PCP4L1: variants seen among roughly 807,000 people sequenced by gnomAD.
The protein encoded by PCP4L1 is Purkinje cell protein 4 like 1.
PCP4L1 carries 9 observed loss-of-function variants against 9.6 expected under a neutral mutation model. The observed-to-expected ratio is 0.94, with a 90% CI of 0.57 to 1.64. The LOEUF is 1.64. PCP4L1 is among the 40% of genes most tolerant of loss of function. PCP4L1 has a pLI of 0.00. For synonymous variants in PCP4L1, 31 were observed against 28.2 expected, an observed-to-expected ratio of 1.10 and a Z score of -0.31; for missense variants, 81 against 80.8, an observed-to-expected ratio of 1.00 and a Z score of -0.01.
At chr1:161,262,845 T>C (rs1669443555) in intron 1 of PCP4L1, among the ~76,000 whole-genome samples, 3 of 152,238 alleles carry the variant, frequency 2.0e-5, no homozygotes, top group Non-Finnish European at 4.4e-5. Flanking sequence ...AGGTGGTGGT[T>C]CTATGCATGC....
chr1:161,281,563 GA>G (rs1446911626), intron 1 of PCP4L1, among the ~76,000 whole-genome samples: 1 of 150,034 alleles, frequency 6.7e-6, no homozygotes, highest in African/African-American at 2.5e-5. Flanking sequence ...GGCGGGGGCT[GA>G]TCCCCACCTC....
chr1:161,272,978 T>A (rs1669646834), intron 1 of PCP4L1, among the ~76,000 whole-genome samples: 1 of 152,094 alleles, frequency 6.6e-6, no homozygotes, highest in Non-Finnish European at 1.5e-5. Context: ...AAAGGAGGAA[T>A]GTTACTATGT....
chr1:161,271,935 GTAGCTGGGAC>G (rs1367066985), intron 1 of PCP4L1, among the ~76,000 whole-genome samples: 3 of 151,642 alleles, frequency 2.0e-5, no homozygotes, highest in African/African-American at 7.3e-5. Context: ...AGCCTCCCGA[GTAGCTGGGAC>G]TACAGGTGCA....
At chr1:161,282,942 C>T (rs1669848185) in intron 1 of PCP4L1, among the ~76,000 whole-genome samples, 3 of 152,122 alleles carry the variant, frequency 2.0e-5, no homozygotes, top group Admixed American at 2.0e-4. Context: ...CTGCAATAAC[C>T]TCTTAACAGA....
intron 1 of PCP4L1, among the ~76,000 whole-genome samples, chr1:161,281,692 G>T (rs1187898972): frequency 6.9e-6 from 1 of 145,274 alleles, no homozygotes; most frequent in Non-Finnish European, 1.5e-5. Context: ...CGGGCGGAGG[G>T]GCTCCTCACT....
intron 1 of PCP4L1, among the ~76,000 whole-genome samples, chr1:161,270,973 C>A (rs112437499): frequency 5.3e-5 from 8 of 152,108 alleles, no homozygotes; most frequent in African/African-American, 1.9e-4. Flanking sequence ...GAAAGTGGGC[C>A]TCACCAGTCA....
chr1:161,273,877 C>T (rs1558144483), intron 1 of PCP4L1, among the ~76,000 whole-genome samples: 3 of 152,158 alleles, frequency 2.0e-5, no homozygotes, highest in Admixed American at 6.5e-5. Flanking sequence ...GCATTGTATA[C>T]GCATGCACAT....
At chr1:161,266,787 C>T (rs562509453) in intron 1 of PCP4L1, among the ~76,000 whole-genome samples, 8 of 152,242 alleles carry the variant, frequency 5.3e-5, no homozygotes, top group African/African-American at 1.9e-4. Context: ...TGACCTTGAG[C>T]AAGTCTTTCT....
chr1:161,268,179 G>A (rs1013886147), intron 1 of PCP4L1, among the ~76,000 whole-genome samples: 4 of 152,164 alleles, frequency 2.6e-5, no homozygotes, highest in African/African-American at 9.7e-5. Context: ...AGGGTTCCCA[G>A]AGGTTTAGAG....
Position 161,258,838 on chromosome 1 carries a change from C to A in PCP4L1, c.-137C>A. On this transcript the variant is annotated 5_prime_UTR_variant, in exon 1 of 3. Transcript: ENST00000504449. ...CCAGCACCAGAGCAGCGGCTCTCCG[C>A]ACTAACTCTCCTCTCCTGGTCAGCT... is the stretch of plus-strand genomic sequence containing the variant. The A allele has an allele frequency of 7.5e-7, 1 of 1,327,162 alleles. No homozygotes were observed. Among genetic ancestry groups the A allele is most frequent in the Non-Finnish European group, 1.0e-6 (1 of 960,746 alleles). 82.2% of individuals were successfully genotyped at this position (1,327,162 alleles called of 1,614,324 possible). A position where few individuals can be genotyped will look rare whatever the true frequency, so the allele number is the denominator to read the frequency against.
chr1:161,264,314 C>A (rs879460082), intron 1 of PCP4L1, among the ~76,000 whole-genome samples: 1 of 151,492 alleles, frequency 6.6e-6, no homozygotes, highest in African/African-American at 2.4e-5. Context: ...GTCAGGAGTT[C>A]GAGACCAGCC....
intron 1 of PCP4L1, among the ~76,000 whole-genome samples, chr1:161,268,958 G>C (rs931729851): frequency 6.6e-6 from 1 of 152,250 alleles, no homozygotes; most frequent in Admixed American, 6.5e-5. Context: ...ACAGAGCTGA[G>C]ATTTGAACAG....
At chr1:161,268,551 CTTTTTTT>C (rs10654377) in intron 1 of PCP4L1, among the ~76,000 whole-genome samples, 1 of 114,056 alleles carries the variant, frequency 8.8e-6, no homozygotes, top group Non-Finnish European at 1.7e-5. Flanking sequence ...TTCCTTTTAC[CTTTTTTT>C]TTTTTTTTTT....
At chr1:161,283,640 T>C in intron 1 of PCP4L1, 28 bp from the exon 2 acceptor site, 1 of 1,561,924 alleles carries the variant, frequency 6.4e-7, no homozygotes, top group Non-Finnish European at 8.7e-7. Flanking sequence ...GAATATCTAA[T>C]ATTCTGATAT....
intron 1 of PCP4L1, among the ~76,000 whole-genome samples, chr1:161,263,619 T>C (rs530340869): frequency 7.9e-5 from 12 of 151,510 alleles, no homozygotes; most frequent in African/African-American, 2.9e-4. Flanking sequence ...AATATCTCTG[T>C]CACCCAGGCT....
chr1:161,264,922 A>C (rs1234557728), intron 1 of PCP4L1, among the ~76,000 whole-genome samples: 2 of 152,228 alleles, frequency 1.3e-5, no homozygotes, highest in African/African-American at 4.8e-5. Context: ...ATATTTTATC[A>C]ACAGGGTACA....
intron 1 of PCP4L1, among the ~76,000 whole-genome samples, chr1:161,274,808 T>G (rs2102237602): frequency 6.6e-6 from 1 of 152,002 alleles, no homozygotes; most frequent in Non-Finnish European, 1.5e-5. Context: ...TTTCGAGAAC[T>G]GGCTAGAAAG....
intron 1 of PCP4L1, among the ~76,000 whole-genome samples, chr1:161,260,799 G>C (rs1669404487): frequency 6.6e-6 from 1 of 152,198 alleles, no homozygotes; most frequent in Admixed American, 6.5e-5. Context: ...CACGGATGGA[G>C]ACTATCAGTG....
At chr1:161,282,143 G>A (rs549804025) in intron 1 of PCP4L1, among the ~76,000 whole-genome samples, 3 of 152,142 alleles carry the variant, frequency 2.0e-5, no homozygotes, top group East Asian at 3.9e-4. Flanking sequence ...CCGGCACCTC[G>A]GGAGGCCGAG....
Sources: gnomAD v4.1 joint callset for allele counts (sites outside exome capture counted in the v4.1 genomes callset) on GRCh38, gnomAD v4.1.1 for gene constraint, MANE v1.5 for transcripts, NCBI Gene and HGNC (gene_info 2026-07-23, HGNC 2026-07-21) for gene names.